Variants in WIPF1 observed in about 807,000 individuals in gnomAD.
WIPF1 encodes WAS/WASL interacting protein family member 1.
Under a neutral mutation model 35.4 loss-of-function variants are expected in WIPF1, and 13 were observed. That is an observed-to-expected ratio of 0.37 (90% CI 0.24 to 0.58). The LOEUF (loss-of-function observed/expected upper bound fraction) is 0.58, where lower values mean the gene tolerates loss of function less well. Ranked by LOEUF, WIPF1 falls within the 20% of genes least tolerant of loss-of-function variation. The probability of loss-of-function intolerance (pLI) is 0.74; values close to 1 mark genes in which losing one functional copy is unlikely to be tolerated. For synonymous variants in WIPF1, 267 were observed against 266.3 expected, an observed-to-expected ratio of 1.00 and a Z score of -0.02; for missense variants, 591 against 667.0, an observed-to-expected ratio of 0.89 and a Z score of 1.25.
Position 174,566,542 on chromosome 2 carries a change from A to C in WIPF1, c.1456+528T>G, listed in dbSNP as rs1684666154. On this transcript the variant is annotated intron_variant, in intron 7 of 7. Transcript: ENST00000679041. ...TGTACATCGTCATTATAACTACATA[A>C]AAAAACAGAATTATATGGATAAAAA... 2 of 152,322 alleles carry C rather than the reference A, an allele frequency of 1.3e-5. 1 individual carries two copies. Among genetic ancestry groups the C allele is most frequent in the South Asian group, 4.1e-4 (2 of 4,836 alleles). The allele number at this position is 152,322 out of a possible 1,614,324, so 9.4% of individuals were successfully genotyped here.
At chr2:174,640,191 C>T (rs906316776) in intron 1 of WIPF1, among the ~76,000 whole-genome samples, 4 of 151,606 alleles carry the variant, frequency 2.6e-5, no homozygotes, top group African/African-American at 7.3e-5. Flanking sequence ...ACAATAGCTA[C>T]AAAAAGAGAT....
intron 1 of WIPF1, among the ~76,000 whole-genome samples, chr2:174,631,530 A>G (rs1687020591): frequency 6.6e-6 from 1 of 152,178 alleles, no homozygotes; most frequent in Non-Finnish European, 1.5e-5. Context: ...AGTTCTGGAG[A>G]TTGGTTGCAC....
chr2:174,564,815 GCACACACACACACA>G lies in WIPF1; in HGVS notation c.1457-2227_1457-2214del, dbSNP rs10587549. On this transcript the variant is annotated intron_variant, in intron 7 of 7. Coordinates refer to ENST00000679041, the MANE Select transcript of WIPF1 (RefSeq NM_001375834.1). ...ATCAAACAGAAGCCCTTCTTCTGGT[GCACACACACACACA>G]CACACACACACACACACACACACCA... is the stretch of plus-strand genomic sequence containing the variant. Among the ~76,000 whole-genome samples, 38 of 143,514 alleles carry G rather than the reference GCACACACACACACA, an allele frequency of 2.6e-4. No individual in the cohort carries two copies. In the South Asian group the frequency reaches 4.8e-3, roughly 18 times the overall value. The allele number at this position is 143,514 out of a possible 152,430, so 94.2% of individuals were successfully genotyped here.
At chr2:174,635,265 C>G (rs2105939701) in intron 1 of WIPF1, among the ~76,000 whole-genome samples, 1 of 152,304 alleles carries the variant, frequency 6.6e-6, no homozygotes, top group Middle Eastern at 3.4e-3. Context: ...TGCTGACCTC[C>G]AAAATATGCC....
chr2:174,637,717 G>T lies in WIPF1; in HGVS notation c.-39+45057C>A, dbSNP rs138495736. On this transcript the variant is annotated intron_variant, in intron 1 of 8. Coordinates refer to the WIPF1 transcript ENST00000272746. ...CAGGAGAACGGTGTGAACCCGGGAGGCGGAGCTTGCAGTGAGTCGAGATTG... is the reference window on the plus strand; with the variant it reads ...CAGGAGAACGGTGTGAACCCGGGAGTCGGAGCTTGCAGTGAGTCGAGATTG... 7.3e-3 allele frequency among the ~76,000 whole-genome samples: 1,108 copies of T among 152,330 alleles called. 17 individuals are homozygous for T. The highest frequency in any genetic ancestry group is 0.026 in the African/African-American group (1,068 of 41,572).
At chr2:174,647,201 G>T (rs1687428805) in intron 1 of WIPF1, among the ~76,000 whole-genome samples, 1 of 151,932 alleles carries the variant, frequency 6.6e-6, no homozygotes, top group East Asian at 1.9e-4. Flanking sequence ...GCGACATCCT[G>T]TCTCCAAAAC....
At chr2:174,593,016 A>C (rs1685672010) in intron 1 of WIPF1, among the ~76,000 whole-genome samples, 3 of 151,950 alleles carry the variant, frequency 2.0e-5, no homozygotes, top group Non-Finnish European at 4.4e-5. Context: ...TGTTTTCTTC[A>C]AGATTTCTTT....
chr2:174,639,075 T>C (rs765530413), intron 1 of WIPF1, among the ~76,000 whole-genome samples: 5 of 152,232 alleles, frequency 3.3e-5, no homozygotes, highest in Non-Finnish European at 7.3e-5. Flanking sequence ...CCACCAACAG[T>C]GATGAGTATT....
In WIPF1 at chr2:174,615,722, G is replaced by A. The variant is rs148230892; in HGVS notation, c.-38-30111C>T. 2.6e-4 allele frequency among the ~76,000 whole-genome samples: 39 copies of A among 152,238 alleles called. 1 individual carries two copies. The East Asian group carries it at 6.8e-3, about 26-fold the overall frequency. ...AGCCTGGAAGTATCAAAGATTAAGT[G>A]GAAATCCATATTCAAAAGAGTTCTG... is the stretch of plus-strand genomic sequence containing the variant. On this transcript the variant is annotated intron_variant, in intron 1 of 8. Coordinates refer to the WIPF1 transcript ENST00000272746.
intron 1 of WIPF1, chr2:174,656,365 T>C (rs1299759507): frequency 6.6e-6 from 1 of 152,212 alleles, no homozygotes; most frequent in Non-Finnish European, 1.5e-5. Flanking sequence ...TAAAAGGGAA[T>C]GAAGAATTAC....
intron 1 of WIPF1, among the ~76,000 whole-genome samples, chr2:174,651,769 C>G (rs1574861141): frequency 6.6e-6 from 1 of 152,216 alleles, no homozygotes; most frequent in African/African-American, 2.4e-5. Flanking sequence ...TAGATAAAAC[C>G]ACTACCATTT....
chr2:174,681,106 A>G (rs538886899), intron 1 of WIPF1, among the ~76,000 whole-genome samples: 3 of 152,386 alleles, frequency 2.0e-5, no homozygotes, highest in Non-Finnish European at 2.9e-5. Context: ...ATCTCTTTGC[A>G]CTACGTCACA....
chr2:174,627,771 C>T (rs1283582265), intron 1 of WIPF1, among the ~76,000 whole-genome samples: 1 of 152,136 alleles, frequency 6.6e-6, no homozygotes, highest in East Asian at 1.9e-4. Flanking sequence ...GTCTCGAACT[C>T]CTGGCTCAAG....
Position 174,571,565 on chromosome 2 carries a change from A to G in WIPF1, c.1129+111T>C. ...CGTGTGCCACTTAAAAGCACAAAGC[A>G]GTCTGAGTTTACTTATGCCTGCTTT... On this transcript the variant is annotated intron_variant, in intron 5 of 7. Coordinates refer to ENST00000679041, the MANE Select transcript of WIPF1 (RefSeq NM_001375834.1). This position sits in a 1 kb window ranked among gnomAD's most constrained non-coding sequence, Gnocchi z 4.6. 6.9e-7 allele frequency: 1 copy of G among 1,452,292 alleles called. No homozygotes were observed. 90.0% of individuals were successfully genotyped at this position (1,452,292 alleles called of 1,614,324 possible).
At chr2:174,642,343 C>CATTTTT (rs1687314318) in intron 1 of WIPF1, among the ~76,000 whole-genome samples, 2 of 102,824 alleles carry the variant, frequency 1.9e-5, no homozygotes, top group African/African-American at 7.7e-5. Flanking sequence ...CTTCCTCCAC[C>CATTTTT]TTTTTTTTTT....
rs1197120143 is a variant in WIPF1 at position 174,560,293 on chromosome 2, A to G, written c.*2254T>C. On this transcript the variant is annotated 3_prime_UTR_variant, in exon 8 of 8. Transcript: ENST00000679041. ...ATTCTAAAACAATCTATTCTGGATGAATGGCAACTTTGAGCTATCACCCTG... is the reference window on the plus strand; with the variant it reads ...ATTCTAAAACAATCTATTCTGGATGGATGGCAACTTTGAGCTATCACCCTG... 1 of 152,648 alleles carries G rather than the reference A, an allele frequency of 6.6e-6. No homozygotes were observed. Among genetic ancestry groups the G allele is most frequent in the Non-Finnish European group, 1.5e-5 (1 of 68,026 alleles). 9.5% of individuals were successfully genotyped at this position (152,648 alleles called of 1,614,324 possible).
intron 1 of WIPF1, among the ~76,000 whole-genome samples, chr2:174,675,130 T>A (rs1007214505): frequency 1.3e-5 from 2 of 152,178 alleles, no homozygotes; most frequent in African/African-American, 4.8e-5. Flanking sequence ...TAATTCTATT[T>A]TTAGGAGAAA....
At chr2:174,618,069 C>G (rs769508880) in intron 1 of WIPF1, among the ~76,000 whole-genome samples, 4 of 152,226 alleles carry the variant, frequency 2.6e-5, no homozygotes, top group Non-Finnish European at 5.9e-5. Flanking sequence ...GCCACTTCAG[C>G]AGGGTTATTT....
At chr2:174,589,782 C>G (rs1685547925) in intron 1 of WIPF1, among the ~76,000 whole-genome samples, 1 of 152,228 alleles carries the variant, frequency 6.6e-6, no homozygotes, top group South Asian at 2.1e-4. Context: ...TACACACCAA[C>G]AATTTTCAAC....
Sources: gnomAD v4.1 joint callset for allele counts (sites outside exome capture counted in the v4.1 genomes callset) on GRCh38, gnomAD v4.1.1 for gene constraint, Gnocchi (gnomAD v3.1) non-coding constraint, MANE v1.5 for transcripts, NCBI Gene and HGNC (gene_info 2026-07-23, HGNC 2026-07-21) for gene names.